Variants in CCDC91 observed in about 807,000 individuals in gnomAD.
CCDC91 encodes coiled-coil domain containing 91, also known as coiled-coil domain-containing protein 91.
Under a neutral mutation model 63.2 loss-of-function variants are expected in CCDC91, and 48 were observed. That is an observed-to-expected ratio of 0.76 (90% confidence interval 0.60 to 0.97). CCDC91 has a LOEUF of 0.97. CCDC91 is among the 50% of genes least tolerant of loss of function. The probability of loss-of-function intolerance (pLI) is 0.00; values close to 1 mark genes in which losing one functional copy is unlikely to be tolerated. For missense variants in CCDC91, 500 were observed against 494.6 expected, an observed-to-expected ratio of 1.01 and a Z score of -0.10; for synonymous variants, 167 against 165.8, an observed-to-expected ratio of 1.01 and a Z score of -0.06.
At chr12:28,277,498 A>G (rs1267038777) in intron 3 of CCDC91, among the ~76,000 whole-genome samples, 1 of 152,092 alleles carries the variant, frequency 6.6e-6, no homozygotes, top group Non-Finnish European at 1.5e-5. Flanking sequence ...AATGCTCCAA[A>G]ATCCAAAACT....
chr12:28,219,912 A>G (rs551960913), intron 1 of CCDC91, among the ~76,000 whole-genome samples: 18 of 152,328 alleles, frequency 1.2e-4, no homozygotes, highest in African/African-American at 4.1e-4. Context: ...TAATATGAAT[A>G]TAGACATTTC....
At chr12:28,336,418 TTATACA>T (rs1171583474) in intron 6 of CCDC91, among the ~76,000 whole-genome samples, 1 of 151,826 alleles carries the variant, frequency 6.6e-6, no homozygotes, top group Non-Finnish European at 1.5e-5. Flanking sequence ...ATGCTGTGTA[TTATACA>T]TATTAGAAAT....
At chr12:28,530,204 G>A (rs1345009512) in intron 12 of CCDC91, among the ~76,000 whole-genome samples, 1 of 152,124 alleles carries the variant, frequency 6.6e-6, no homozygotes, top group Non-Finnish European at 1.5e-5. Flanking sequence ...GTCATAAAAA[G>A]CAATAAGGCT....
chr12:28,397,913 C>A (rs951620920), intron 8 of CCDC91, among the ~76,000 whole-genome samples: 3 of 152,044 alleles, frequency 2.0e-5, no homozygotes, highest in Admixed American at 1.3e-4. Context: ...CCGATAGCAA[C>A]CCACACACAT....
intron 1 of CCDC91, among the ~76,000 whole-genome samples, chr12:28,212,782 G>A (rs1315196211): frequency 6.6e-6 from 1 of 152,146 alleles, no homozygotes; most frequent in Non-Finnish European, 1.5e-5. Flanking sequence ...TGCCAAAACT[G>A]AGTCTATGAA....
At chr12:28,492,639 G>C (rs1383070012) in intron 12 of CCDC91, among the ~76,000 whole-genome samples, 1 of 151,466 alleles carries the variant, frequency 6.6e-6, no homozygotes, top group East Asian at 1.9e-4. Flanking sequence ...GTTAGAACCA[G>C]TGAAGAGTTA....
At chr12:28,201,019 C>G (rs540495278) in intron 1 of CCDC91, among the ~76,000 whole-genome samples, 4 of 128,780 alleles carry the variant, frequency 3.1e-5, no homozygotes, top group Non-Finnish European at 3.4e-5. Context: ...CCCCACCTCC[C>G]TCCCGGATGG....
chr12:28,542,167 C>T (rs1942674264), intron 12 of CCDC91, among the ~76,000 whole-genome samples: 1 of 152,008 alleles, frequency 6.6e-6, no homozygotes. Context: ...ATGAGTATTT[C>T]CATTTCCCAG....
intron 10 of CCDC91, among the ~76,000 whole-genome samples, chr12:28,451,239 G>T (rs1176430858): frequency 6.6e-6 from 1 of 151,600 alleles, no homozygotes; most frequent in Non-Finnish European, 1.5e-5. Context: ...AAAGCTAGAG[G>T]CAGGGAAAGA....
intron 11 of CCDC91, among the ~76,000 whole-genome samples, chr12:28,468,015 A>G (rs1480210780): frequency 1.3e-5 from 2 of 151,952 alleles, no homozygotes; most frequent in Non-Finnish European, 2.9e-5. Context: ...AATAAACAAC[A>G]ATGCATCTTA....
At chr12:28,439,633 T>C (rs1211315781) in intron 8 of CCDC91, among the ~76,000 whole-genome samples, 2 of 152,108 alleles carry the variant, frequency 1.3e-5, no homozygotes, top group Non-Finnish European at 2.9e-5. Context: ...AAATGTAATG[T>C]ACAGAAAACT....
rs575630351 is a variant in CCDC91, at chr12:28,451,638, A to T, written c.925-840A>T. Among the ~76,000 whole-genome samples the T allele has an allele frequency of 2.6e-5, 4 of 151,842 alleles. No individual in the cohort carries two copies. In the South Asian group the frequency reaches 8.3e-4, roughly 31 times the overall value. On this transcript the variant is annotated intron_variant, in intron 10 of 12. Transcript: ENST00000536442. ...CTGGAGAAGACATGTAACTCAGTGAATCAATATTTTTCACATAAAAATGTT... is the reference window on the plus strand; with the variant it reads ...CTGGAGAAGACATGTAACTCAGTGATTCAATATTTTTCACATAAAAATGTT...
intron 9 of CCDC91, 34 bp downstream of exon 9, chr12:28,450,287 A>C: frequency 6.3e-7 from 1 of 1,580,356 alleles, no homozygotes; most frequent in Non-Finnish European, 8.7e-7. Flanking sequence ...GTGTAGAAAG[A>C]ATGTGTTCTG....
intron 1 of CCDC91, among the ~76,000 whole-genome samples, chr12:28,201,917 A>G (rs1489440234): frequency 6.7e-6 from 1 of 148,272 alleles, no homozygotes; most frequent in African/African-American, 2.5e-5. Context: ...AATAGCAGGC[A>G]CTGGGCAGGC....
chr12:28,450,139 AT>A, intron 8 of CCDC91, 21 bp from the exon 9 acceptor site: 1 of 1,404,108 alleles, frequency 7.1e-7, no homozygotes, highest in South Asian at 1.2e-5. Flanking sequence ...CCATAATATA[AT>A]TTGCTTATCA....
intron 6 of CCDC91, among the ~76,000 whole-genome samples, chr12:28,351,224 C>A (rs1943160360): frequency 6.6e-6 from 1 of 152,146 alleles, no homozygotes; most frequent in Non-Finnish European, 1.5e-5. Flanking sequence ...GATCAAAGTT[C>A]TTTTATTGGT....
In CCDC91 at chr12:28,362,522, G is replaced by A. The variant is rs774251305; in HGVS notation, c.654+7G>A. The A allele has an allele frequency of 1.5e-5, 23 of 1,547,680 alleles. No homozygotes were observed. The highest frequency in any genetic ancestry group is 2.0e-5 in the Non-Finnish European group (23 of 1,144,044). On this transcript the variant is annotated splice_region_variant and intron_variant, in intron 7 of 12. Coordinates refer to ENST00000536442, the MANE Select transcript of CCDC91 (RefSeq NM_018318.5). ...TATTGTGGATGAATATAAGGTAGAG[G>A]TTTGAGAGTGTTTACTTTTTTAAAC...
intron 8 of CCDC91, among the ~76,000 whole-genome samples, chr12:28,442,068 G>T (rs1462166866): frequency 6.6e-6 from 1 of 152,022 alleles, no homozygotes; most frequent in African/African-American, 2.4e-5. Context: ...GATAGGTGTA[G>T]AGAGTTCCAT....
chr12:28,223,120 T>G lies in CCDC91; in HGVS notation c.-15+32479T>G, dbSNP rs552049019. On this transcript the variant is annotated intron_variant, in intron 1 of 12. Transcript: ENST00000536442. ...GGGGAAAAAACCTAGTCAATTTTAGTGGCAATATGGCAGGAAATTGAAAGT... is the reference window on the plus strand; with the variant it reads ...GGGGAAAAAACCTAGTCAATTTTAGGGGCAATATGGCAGGAAATTGAAAGT... 3.3e-5 allele frequency among the ~76,000 whole-genome samples: 5 copies of G among 152,286 alleles called. No individual in the cohort carries two copies. The South Asian group carries it at 1.0e-3, about 32-fold the overall frequency.
Sources: gnomAD v4.1 joint callset for allele counts (sites outside exome capture counted in the v4.1 genomes callset) on GRCh38, gnomAD v4.1.1 for gene constraint, MANE v1.5 for transcripts, NCBI Gene and HGNC (gene_info 2026-07-23, HGNC 2026-07-21) for gene names.